Variants in ZP3 observed in about 807,000 individuals in gnomAD.
ZP3 encodes the protein zona pellucida sperm-binding protein 3.
Under a neutral mutation model 35.6 loss-of-function variants are expected in ZP3, and 21 were observed. The ratio of observed to expected loss-of-function variants is 0.59; its 90% CI spans 0.42 to 0.85. ZP3 has a LOEUF of 0.85. Ranked by LOEUF, ZP3 falls within the 40% of genes least tolerant of loss-of-function variation. ZP3 has a pLI of 0.00. For synonymous variants in ZP3, 207 were observed against 214.5 expected, an observed-to-expected ratio of 0.96 and a Z score of 0.31; for missense variants, 437 against 536.5, an observed-to-expected ratio of 0.81 and a Z score of 1.83.
At position 76,433,525 on chromosome 7, in the gene ZP3, C is replaced by T. The variant is rs1286469081; in HGVS notation, c.591C>T (p.His197=). The change falls in exon 4 of 8, where the codon CAC becomes CAT. Residue 197 remains histidine, a synonymous_variant. Coordinates refer to ENST00000394857, the MANE Select transcript of ZP3 (RefSeq NM_001110354.2). ...SPTFHLGDAA[H]LQAEIHTGSH... ...CCTTCCACCTGGGAGATGCAGCCCA[C>T]CTCCAGGCAGAAATCCACACTGGCA... 6.2e-7 allele frequency: 1 copy of T among 1,614,032 alleles called. No individual in the cohort carries two copies. The highest frequency in any genetic ancestry group is 1.3e-5 in the African/African-American group (1 of 74,914).
chr7:76,433,988 G>A lies in ZP3; in HGVS notation c.714-50G>A, dbSNP rs1157128781. On this transcript the variant is annotated intron_variant, in intron 4 of 7. Transcript: ENST00000394857. ...TGCTGGGATTATGGGCGTGAGCCAC[G>A]GTGCCCGGCCCACCTGTCTGGCTTT... is the stretch of plus-strand genomic sequence containing the variant. 5.3e-6 allele frequency: 7 copies of A among 1,327,012 alleles called. 1 individual carries two copies. The highest frequency in any genetic ancestry group is 1.5e-5 in the African/African-American group (1 of 65,228). 82.2% of individuals were successfully genotyped at this position (1,327,012 alleles called of 1,614,324 possible). A position where few individuals can be genotyped will look rare whatever the true frequency, so the allele number is the denominator to read the frequency against.
intron 1 of ZP3, chr7:76,409,355 ACACATG>A (rs1805168566): frequency 7.2e-6 from 1 of 138,804 alleles, no homozygotes; most frequent in South Asian, 2.4e-4. Flanking sequence ...ACACACACAC[ACACATG>A]CATGCACACG....
At chr7:76,435,435 G>T (rs1461068597) in intron 5 of ZP3, among the ~76,000 whole-genome samples, 1 of 152,258 alleles carries the variant, frequency 6.6e-6, no homozygotes, top group Admixed American at 6.5e-5. Flanking sequence ...AATTACAGGC[G>T]TGAGCCACCA....
At chr7:76,408,987 C>T (rs1805139858) in intron 1 of ZP3, among the ~76,000 whole-genome samples, 1 of 152,146 alleles carries the variant, frequency 6.6e-6, no homozygotes, top group Non-Finnish European at 1.5e-5. Flanking sequence ...TTTCGTGATC[C>T]ACTTACCCCT....
chr7:76,402,205 CAG>C (rs1804855704), intron 1 of ZP3, among the ~76,000 whole-genome samples: 1 of 112,570 alleles, frequency 8.9e-6, no homozygotes, highest in Admixed American at 9.4e-5. Context: ...TTTTTTGAGA[CAG>C]AGTCTTACTC....
At position 76,440,005 on chromosome 7, in the gene ZP3, G is replaced by A. The variant is rs556107815; in HGVS notation, c.832-245G>A. 5.0e-3 allele frequency: 2,243 copies of A among 450,240 alleles called. 7 individuals carry two copies. The highest frequency in any genetic ancestry group is 0.04 in the African/African-American group (2,012 of 50,634). The allele number at this position is 450,240 out of a possible 1,614,324, so 27.9% of individuals were successfully genotyped here. ...TGGGACTACAGGTACCCACCACCAC[G>A]CCCAGCTAACTTTGTATTTTTAGTA... On this transcript the variant is annotated intron_variant, in intron 5 of 7. Transcript: ENST00000394857.
At chr7:76,427,181 C>T (rs1159879097) in intron 1 of ZP3, among the ~76,000 whole-genome samples, 4 of 152,132 alleles carry the variant, frequency 2.6e-5, no homozygotes, top group Admixed American at 6.6e-5. Context: ...CCTGCAAACT[C>T]CTTCCTCTGG....
chr7:76,438,443 A>G (rs1218590113), intron 5 of ZP3, among the ~76,000 whole-genome samples: 3 of 151,432 alleles, frequency 2.0e-5, no homozygotes, highest in African/African-American at 7.3e-5. Flanking sequence ...CCGTAATCCC[A>G]TCTACTTGGG....
upstream of ZP3, among the ~76,000 whole-genome samples, chr7:76,422,430 G>A (rs538206766): frequency 6.6e-6 from 1 of 152,120 alleles, no homozygotes; most frequent in African/African-American, 2.4e-5. Context: ...TATAATCCCA[G>A]CACTTTGGGA....
In ZP3 at chr7:76,441,125, T is replaced by A. The variant is rs560982731; in HGVS notation, c.1060+514T>A. Among the ~76,000 whole-genome samples the A allele has an allele frequency of 2.0e-5, 3 of 151,286 alleles. No homozygotes were observed. In the South Asian group the frequency reaches 6.3e-4, roughly 32 times the overall value. On this transcript the variant is annotated intron_variant, in intron 7 of 7. Transcript: ENST00000394857. ...GGCAGAGGTTGCAGTGAGCCGAGATTGCACCATTGTACTCCAGCCTGGGCA... is the reference window on the plus strand; with the variant it reads ...GGCAGAGGTTGCAGTGAGCCGAGATAGCACCATTGTACTCCAGCCTGGGCA...
In ZP3 at chr7:76,397,729, C is replaced by T. The variant is rs778331965; in HGVS notation, c.-135C>T. ...GACAGACCACAGCGGCATCCGGCAG[C>T]CCCCAGTCGTCGTCACACACGGTGC... On this transcript the variant is annotated 5_prime_UTR_variant, in exon 1 of 9. Coordinates refer to the ZP3 transcript ENST00000336517. 1.2e-5 allele frequency: 19 copies of T among 1,613,340 alleles called. No individual in the cohort carries two copies. The South Asian group carries it at 2.0e-4, about 17-fold the overall frequency.
intron 1 of ZP3, chr7:76,401,177 C>T: frequency 7.9e-7 from 1 of 1,262,098 alleles, no homozygotes. Flanking sequence ...CCTGCTTTGC[C>T]AAAGCCCCAT....
At chr7:76,399,773 C>T (rs952841535) in intron 1 of ZP3, among the ~76,000 whole-genome samples, 2 of 152,150 alleles carry the variant, frequency 1.3e-5, no homozygotes, top group African/African-American at 2.4e-5. Flanking sequence ...ATCTTGCCAC[C>T]TTGGCCTCCC....
intron 1 of ZP3, among the ~76,000 whole-genome samples, chr7:76,427,090 T>TG (rs1805686340): frequency 6.6e-6 from 1 of 152,044 alleles, no homozygotes; most frequent in African/African-American, 2.4e-5. Context: ...AAAATCCTGA[T>TG]GTCCAGGCTG....
exon 1 of ZP3, chr7:76,397,553 C>A: frequency 6.3e-7 from 1 of 1,598,870 alleles, no homozygotes; most frequent in Non-Finnish European, 8.5e-7. Flanking sequence ...GTGGTGGCCG[C>A]AGTTGTGCAC....
At chr7:76,400,903 G>T in intron 1 of ZP3, 1 of 1,442,932 alleles carries the variant, frequency 6.9e-7, no homozygotes, top group Non-Finnish European at 9.5e-7. Context: ...GGGGCATCTA[G>T]AGTCAAGGGG....
At chr7:76,421,345 G>C (rs1013838224), upstream of ZP3, among the ~76,000 whole-genome samples, 1 of 151,938 alleles carries the variant, frequency 6.6e-6, no homozygotes, top group African/African-American at 2.4e-5. Context: ...AACCCAAGTA[G>C]CTAGGTTCCC....
At chr7:76,421,336 A>ACCCAAGTAGCTAGGTT (rs1805500658), upstream of ZP3, among the ~76,000 whole-genome samples, 1 of 152,032 alleles carries the variant, frequency 6.6e-6, no homozygotes, top group Admixed American at 6.6e-5. Context: ...GGCTCAAGCA[A>ACCCAAGTAGCTAGGTT]CCCAAGTAGC....
rs202182448 is a variant in ZP3, at chr7:76,433,117, GTTTGGT to G, written c.535+101_535+106del. 4.0e-4 allele frequency: 448 copies of G among 1,111,212 alleles called. 2 individuals are homozygous for G. Among genetic ancestry groups the G allele is most frequent in the East Asian group, 1.6e-3 (62 of 39,998 alleles). The allele number at this position is 1,111,212 out of a possible 1,614,324, so 68.8% of individuals were successfully genotyped here. On this transcript the variant is annotated intron_variant, in intron 3 of 7. Coordinates refer to ENST00000394857, the MANE Select transcript of ZP3 (RefSeq NM_001110354.2). ...CCTTGGCTGTGTCTTTTTTTTGTTT[GTTTGGT>G]TTTGGTTTTGGTTGGTTTTGGTTGG...
Sources: gnomAD v4.1 joint callset for allele counts (sites outside exome capture counted in the v4.1 genomes callset) on GRCh38, gnomAD v4.1.1 for gene constraint, MANE v1.5 for transcripts, NCBI Gene and HGNC (gene_info 2026-07-23, HGNC 2026-07-21) for gene names.